Variants in TBC1D26 observed in about 807,000 individuals in gnomAD.
The protein encoded by TBC1D26 is TBC1 domain family member 26.
Under a neutral mutation model 42.5 loss-of-function variants are expected in TBC1D26, and 19 were observed. The observed-to-expected ratio is 0.45, with a 90% CI of 0.31 to 0.66. The LOEUF (loss-of-function observed/expected upper bound fraction) is 0.66. Ranked by LOEUF, TBC1D26 falls within the 30% of genes least tolerant of loss-of-function variation. TBC1D26 has a pLI of 0.06. For synonymous variants in TBC1D26, 97 were observed against 123.5 expected (o/e 0.79, Z 1.42); for missense variants, 228 against 332.6 (o/e 0.69, Z 2.45).
At chr17:15,732,848 G>C (rs1454411929) in intron 1 of TBC1D26, among the ~76,000 whole-genome samples, 1 of 152,184 alleles carries the variant, frequency 6.6e-6, no homozygotes, top group African/African-American at 2.4e-5. Flanking sequence ...CAGACTTCAC[G>C]TGCGGTCACT....
At chr17:15,742,072 C>A (rs1967802542) in intron 11 of TBC1D26, 36 bp downstream of exon 11, 1 of 1,590,854 alleles carries the variant, frequency 6.3e-7, no homozygotes, top group Non-Finnish European at 8.6e-7. Context: ...TAACCAGACG[C>A]CCTGGCCCCC....
At chr17:15,740,597 A>C in intron 9 of TBC1D26, 1 of 1,091,588 alleles carries the variant, frequency 9.2e-7, no homozygotes. Context: ...GGGGTCACCC[A>C]GGTGGCTGTT....
At chr17:15,739,852 A>C (rs1213241151) in intron 8 of TBC1D26, among the ~76,000 whole-genome samples, 7 of 152,280 alleles carry the variant, frequency 4.6e-5, no homozygotes, top group Non-Finnish European at 1.0e-4. Context: ...AAAAAGGGGA[A>C]GAAAAAATCA....
rs1360814077 is a variant in TBC1D26, at chr17:15,741,104, T to C, written c.547-18T>C. ...CCTCCTAGGTGACATCTTTCCACGG[T>C]GACTCTGGCTCTTGCAGGAGGTGGG... On this transcript the variant is annotated intron_variant, in intron 9 of 14. Transcript: ENST00000437605. 6.2e-7 allele frequency: 1 copy of C among 1,607,046 alleles called. No individual in the cohort carries two copies. Among genetic ancestry groups the C allele is most frequent in the Non-Finnish European group, 8.5e-7 (1 of 1,179,770 alleles).
rs1216916165 is a variant in TBC1D26 at position 15,734,258 on chromosome 17, G to A, written c.-142-672G>A. Among the ~76,000 whole-genome samples the A allele has an allele frequency of 8.6e-5, 13 of 152,046 alleles. 1 individual carries two copies. Among genetic ancestry groups the A allele is most frequent in the Admixed American group, 6.5e-4 (10 of 15,274 alleles). Reference sequence around the variant, plus strand: ...GAGTTCTGGAATTCAATGAGGCAGGGTCTGGTCCTGGAAGAGCCACTGGGA... The same window carrying A: ...GAGTTCTGGAATTCAATGAGGCAGGATCTGGTCCTGGAAGAGCCACTGGGA... On this transcript the variant is annotated intron_variant, in intron 1 of 14. Transcript: ENST00000437605.
At chr17:15,740,980 G>T in intron 9 of TBC1D26, 142 bp from the exon 10 acceptor site, 1 of 1,098,626 alleles carries the variant, frequency 9.1e-7, no homozygotes. Context: ...CAGGGGAGGG[G>T]TGCAGAGGCT....
intron 5 of TBC1D26, chr17:15,737,788 A>G: frequency 1.2e-6 from 1 of 813,664 alleles, no homozygotes; most frequent in Non-Finnish European, 1.9e-6. Context: ...AACTTGGGGC[A>G]TTTATGGCCT....
intron 9 of TBC1D26, 68 bp downstream of exon 9, chr17:15,740,216 G>A (rs774149208): frequency 3.5e-5 from 57 of 1,613,782 alleles, no homozygotes; most frequent in African/African-American, 5.3e-5. Context: ...GTGTCTCTTG[G>A]GGGTGTTGCA....
At position 15,743,317 on chromosome 17, in the gene TBC1D26, C is replaced by T. The variant is rs565272160; in HGVS notation, c.908-50C>T. 61 of 962,038 alleles carry T rather than the reference C, an allele frequency of 6.3e-5. 1 individual carries two copies. In the African/African-American group the frequency reaches 1.0e-3, roughly 16 times the overall value. The allele number at this position is 962,038 out of a possible 1,614,324, so 59.6% of individuals were successfully genotyped here. A position where few individuals can be genotyped will look rare whatever the true frequency, so the allele number is the denominator to read the frequency against. ...GCCTGGTAGAAATGGGGTGCAGGCA[C>T]TGTCCCCTCCCAGGGAACCCTCCTG... On this transcript the variant is annotated intron_variant, in intron 13 of 14. Transcript: ENST00000437605.
intron 4 of TBC1D26, among the ~76,000 whole-genome samples, chr17:15,736,817 G>T (rs3888623): frequency 0.068 from 9,932 of 145,814 alleles, no homozygotes; most frequent in Middle Eastern, 0.085. Flanking sequence ...GGGTGTGGAC[G>T]GATCTGGGAG....
At chr17:15,738,659 T>C in intron 7 of TBC1D26, 62 bp from the exon 8 acceptor site, 3 of 1,611,390 alleles carry the variant, frequency 1.9e-6, no homozygotes, top group South Asian at 2.2e-5. Context: ...TGACTGCCGT[T>C]TGGGGCAGGG....
chr17:15,742,721 C>T (rs1334860079), intron 12 of TBC1D26, among the ~76,000 whole-genome samples, 188 bp from the exon 13 acceptor site: 1 of 152,232 alleles, frequency 6.6e-6, no homozygotes, highest in East Asian at 1.9e-4. Context: ...TTCCAGAAGC[C>T]ACAGCGCAGT....
chr17:15,735,382 G>T lies in TBC1D26; in HGVS notation c.34G>T (p.Ala12Ser), dbSNP rs764237834. ...EMDGDPYNLPAQGQGNIIITK... is the reference protein window; with the variant it reads ...EMDGDPYNLPSQGQGNIIITK... Reference sequence around the variant, plus strand: ...GGATGGGGACCCGTATAACCTGCCTGCCCAGGGGCAAGGCAATATCATCAT... The same window carrying T: ...GGATGGGGACCCGTATAACCTGCCTTCCCAGGGGCAAGGCAATATCATCAT... Residue 12 changes from alanine (A) to serine (S), a missense_variant, in exon 3 of 15, where the codon GCC (alanine) becomes TCC (serine). Ala to Ser is a moderately conservative substitution (Grantham distance 99). Coordinates refer to ENST00000437605, the MANE Select transcript of TBC1D26 (RefSeq NM_001388465.1). 2.5e-6 allele frequency: 4 copies of T among 1,613,804 alleles called. No homozygotes were observed. Among genetic ancestry groups the T allele is most frequent in the South Asian group, 2.2e-5 (2 of 91,050 alleles).
intron 10 of TBC1D26, chr17:15,741,734 C>A: frequency 1.7e-6 from 1 of 576,446 alleles, no homozygotes; most frequent in Non-Finnish European, 3.1e-6. Flanking sequence ...GCAGGCTGCC[C>A]TCCTGGCACC....
intron 9 of TBC1D26, 49 bp downstream of exon 9, chr17:15,740,197 C>G: frequency 6.2e-7 from 1 of 1,614,214 alleles, no homozygotes. Flanking sequence ...CCCATATTCA[C>G]AGGCATGGGT....
intron 10 of TBC1D26, 41 bp downstream of exon 10, chr17:15,741,262 G>T (rs750449093): frequency 1.2e-6 from 2 of 1,611,288 alleles, no homozygotes; most frequent in Non-Finnish European, 1.7e-6. Context: ...AGCTGCCCCC[G>T]GGGCCTTACA....
chr17:15,741,960 C>T lies in TBC1D26; in HGVS notation c.665C>T (p.Thr222Ile), dbSNP rs745552552. 6.2e-7 allele frequency: 1 copy of T among 1,614,108 alleles called. No homozygotes were observed. The highest frequency in any genetic ancestry group is 8.5e-7 in the Non-Finnish European group (1 of 1,180,010). The change falls in exon 11 of 15, where the codon ACT (threonine) becomes ATT (isoleucine). Residue 222 changes from threonine (T) to isoleucine (I), a missense_variant. By Grantham distance (89) the Thr-to-Ile change is moderately conservative. Coordinates refer to ENST00000437605, the MANE Select transcript of TBC1D26 (RefSeq NM_001388465.1). The stretch of plus-strand genomic sequence containing the variant: ...TTCTCAGTATTCTACAGCCCAAATA[C>T]TGCCTGGCTCGAGAGGCTCCTATCG... Reference protein sequence around the residue: ...QLLAVFYSPNTAWLERLLSHQ... With the variant: ...QLLAVFYSPNIAWLERLLSHQ...
chr17:15,743,408 C>T lies in TBC1D26; in HGVS notation c.949C>T (p.Gln317Ter). Residue 317 changes from glutamine to a stop codon, truncating the protein, a stop_gained, in exon 14 of 15, where the codon CAG becomes TAG. Coordinates refer to ENST00000437605, the MANE Select transcript of TBC1D26 (RefSeq NM_001388465.1). LOFTEE classifies it high-confidence loss of function. The part of the protein sequence containing the change: ...KLSWSTVWEF[Q>*]ERLSQSWALE... ...TTCCTGGAGCACTGTCTGGGAGTTT[C>T]AGGAGCGACTCTCTCAGAGCTGGGC... is the stretch of plus-strand genomic sequence containing the variant. 3 of 986,608 alleles carry T rather than the reference C, an allele frequency of 3.0e-6. No homozygotes were observed. The highest frequency in any genetic ancestry group is 9.4e-5 in the South Asian group (2 of 21,362). 61.1% of individuals were successfully genotyped at this position (986,608 alleles called of 1,614,324 possible).
At position 15,738,607 on chromosome 17, in the gene TBC1D26, G is replaced by T. The variant is rs952455810; in HGVS notation, c.388-114G>T. On this transcript the variant is annotated intron_variant, in intron 7 of 14. Coordinates refer to ENST00000437605, the MANE Select transcript of TBC1D26 (RefSeq NM_001388465.1). ...AGGTAAAAAGGAGCTTTCTGCAGAA[G>T]GAAACCTTCCTTCCTTCCTTCCAGA... The T allele has an allele frequency of 1.9e-6, 3 of 1,570,034 alleles. No individual in the cohort carries two copies. The African/African-American group carries it at 4.1e-5, about 21-fold the overall frequency.
Sources: gnomAD v4.1 joint callset for allele counts (sites outside exome capture counted in the v4.1 genomes callset) on GRCh38, gnomAD v4.1.1 for gene constraint, MANE v1.5 for transcripts, NCBI Gene and HGNC (gene_info 2026-07-23, HGNC 2026-07-21) for gene names.